Variants in PPP2R1B observed in about 807,000 individuals in gnomAD.
PPP2R1B encodes the protein protein phosphatase 2 scaffold subunit Abeta.
Under a neutral mutation model 72.7 loss-of-function variants are expected in PPP2R1B, and 58 were observed. The observed-to-expected ratio is 0.80, with a 90% CI of 0.65 to 0.99. The LOEUF is 0.99. Among genes scored for constraint, PPP2R1B ranks in the 50% least tolerant of loss-of-function variants. PPP2R1B has a pLI of 0.00. For synonymous variants in PPP2R1B, 256 were observed against 264.6 expected (o/e 0.97, Z 0.32); for missense variants, 695 against 733.6 (o/e 0.95, Z 0.61).
Position 111,738,383 on chromosome 11 carries a change from G to A in PPP2R1B, c.*3213C>T, listed in dbSNP as rs753226421. 1.9e-5 allele frequency: 19 copies of A among 985,410 alleles called. No individual in the cohort carries two copies. Among genetic ancestry groups the A allele is most frequent in the Non-Finnish European group, 2.2e-5 (18 of 829,982 alleles). 61.0% of individuals were successfully genotyped at this position (985,410 alleles called of 1,614,324 possible). A position where few individuals can be genotyped will look rare whatever the true frequency, so the allele number is the denominator to read the frequency against. ...CTGCCCTGCCATCGCCACAGGGACA[G>A]AGCCAATGTGACGTCTAAGGGCAAG... On this transcript the variant is annotated 3_prime_UTR_variant, in exon 15 of 15. Transcript: ENST00000527614.
At chr11:111,742,420 AG>A in intron 13 of PPP2R1B, 102 bp downstream of exon 13, 1 of 1,304,322 alleles carries the variant, frequency 7.7e-7, no homozygotes, top group Non-Finnish European at 1.0e-6. Flanking sequence ...CCAGATCTTA[AG>A]TAAAGTGAAA....
intron 11 of PPP2R1B, among the ~76,000 whole-genome samples, chr11:111,747,604 ACCTAGTGTAT>A (rs1432130462): frequency 1.3e-5 from 2 of 152,136 alleles, no homozygotes; most frequent in African/African-American, 2.4e-5. Context: ...TCTCCATACA[ACCTAGTGTAT>A]AGCTGCTGAA....
chr11:111,707,696 C>A, the PPP2R1B span, among the ~76,000 whole-genome samples: 4 of 152,274 alleles, frequency 2.6e-5, no homozygotes, highest in South Asian at 8.3e-4. Context: ...AAAGGCTTCT[C>A]ACTTTAATTC....
At chr11:111,705,345 A>G in the PPP2R1B span, among the ~76,000 whole-genome samples, 1 of 152,206 alleles carries the variant, frequency 6.6e-6, no homozygotes, top group African/African-American at 2.4e-5. This position sits in a 1 kb window ranked among gnomAD's most constrained non-coding sequence, Gnocchi z 4.3. Context: ...GTTTTTTAAA[A>G]TTGTTTTCAT....
intron 13 of PPP2R1B, 163 bp from the exon 14 acceptor site, chr11:111,742,307 A>AT: frequency 1.7e-6 from 1 of 598,442 alleles, no homozygotes; most frequent in South Asian, 5.2e-5. Context: ...ATTCTCAGCA[A>AT]AATCAGCTTC....
the PPP2R1B span, among the ~76,000 whole-genome samples, chr11:111,719,264 G>A: frequency 6.6e-6 from 1 of 151,562 alleles, no homozygotes; most frequent in Non-Finnish European, 1.5e-5. Flanking sequence ...TAAATCAAAT[G>A]GGCAGGTACT....
intron 11 of PPP2R1B, among the ~76,000 whole-genome samples, chr11:111,746,690 C>T (rs1432415874): frequency 2.0e-5 from 3 of 152,068 alleles, no homozygotes; most frequent in Non-Finnish European, 4.4e-5. Flanking sequence ...ATGCACCATT[C>T]CCAGTAACGT....
At chr11:111,765,823 C>A in intron 1 of PPP2R1B, 1 of 474,454 alleles carries the variant, frequency 2.1e-6, no homozygotes, top group Admixed American at 2.3e-5. Flanking sequence ...AGTTCCAAGC[C>A]GAGATGAAGG....
chr11:111,751,418 T>C (rs1256644122), intron 10 of PPP2R1B, among the ~76,000 whole-genome samples: 1 of 152,154 alleles, frequency 6.6e-6, no homozygotes, highest in Non-Finnish European at 1.5e-5. Context: ...AGGTGAAATA[T>C]GTTTCTGTAA....
downstream of PPP2R1B, chr11:111,722,555 G>A: frequency 9.6e-7 from 1 of 1,038,508 alleles, no homozygotes; most frequent in Non-Finnish European, 1.4e-6. The surrounding 1 kb of genome is among the most constrained non-coding windows in gnomAD (Gnocchi z 4.4). Context: ...CACCCCGTGT[G>A]GATTCTGTAG....
the PPP2R1B span, chr11:111,719,934 A>G: frequency 1.2e-6 from 2 of 1,614,200 alleles, no homozygotes; most frequent in Non-Finnish European, 1.7e-6. Context: ...ATTTCAGTCC[A>G]CACGCAGCGG....
the PPP2R1B span, among the ~76,000 whole-genome samples, chr11:111,693,361 TG>T: frequency 6.6e-6 from 1 of 150,926 alleles, no homozygotes; most frequent in East Asian, 2.0e-4. Flanking sequence ...GAGACACTAA[TG>T]AGCCATGGAT....
the PPP2R1B span, among the ~76,000 whole-genome samples, chr11:111,688,714 GT>G: frequency 6.6e-6 from 1 of 152,082 alleles, no homozygotes; most frequent in Admixed American, 6.6e-5. This position sits in a 1 kb window ranked among gnomAD's most constrained non-coding sequence, Gnocchi z 4.2. Context: ...GTTGTAAAAT[GT>G]TTTATTTTAT....
At chr11:111,702,350 T>TGAGGC in the PPP2R1B span, among the ~76,000 whole-genome samples, 748 of 152,328 alleles carry the variant, frequency 4.9e-3, 5 homozygotes, top group African/African-American at 0.017. Flanking sequence ...TCTGGGAGGC[T>TGAGGC]GAGGCGGGAG....
At position 111,759,696 on chromosome 11, in the gene PPP2R1B, T is replaced by G. The variant is rs1555050657; in HGVS notation, c.687+108A>C. ...TTAACCAGGCCAGAATCAGCACTAA[T>G]TCTGTAAAAAGAATCCTAACAAGAA... On this transcript the variant is annotated intron_variant, in intron 5 of 14. Transcript: ENST00000527614. The G allele has an allele frequency of 9.5e-6, 12 of 1,268,818 alleles. No homozygotes were observed. The South Asian group carries it at 2.0e-4, about 22-fold the overall frequency. 78.6% of individuals were successfully genotyped at this position (1,268,818 alleles called of 1,614,324 possible). A position where few individuals can be genotyped will look rare whatever the true frequency, so the allele number is the denominator to read the frequency against.
intron 10 of PPP2R1B, among the ~76,000 whole-genome samples, chr11:111,749,087 C>T (rs144783417): frequency 1.1e-4 from 17 of 152,208 alleles, no homozygotes; most frequent in East Asian, 5.8e-4. Context: ...TCAGATGATC[C>T]GTCCGCCTCA....
chr11:111,701,126 C>T, the PPP2R1B span: 2 of 1,334,034 alleles, frequency 1.5e-6, no homozygotes, highest in Non-Finnish European at 2.0e-6. The surrounding 1 kb of genome is among the most constrained non-coding windows in gnomAD (Gnocchi z 4.2). Context: ...ATATTTTCCC[C>T]ATCCACTGGA....
At chr11:111,723,475 C>A, downstream of PPP2R1B, 2 of 1,566,624 alleles carry the variant, frequency 1.3e-6, no homozygotes, top group Non-Finnish European at 1.7e-6. Flanking sequence ...AAAATTCTTT[C>A]CTTTGATATT....
chr11:111,748,059 G>A (rs1465821978), intron 10 of PPP2R1B, 45 bp from the exon 11 acceptor site: 1 of 1,560,772 alleles, frequency 6.4e-7, no homozygotes, highest in Non-Finnish European at 8.8e-7. Flanking sequence ...CCAAAATTCA[G>A]AAATAAAGAT....
Sources: gnomAD v4.1 joint callset for allele counts (sites outside exome capture counted in the v4.1 genomes callset) on GRCh38, gnomAD v4.1.1 for gene constraint, Gnocchi (gnomAD v3.1) non-coding constraint, MANE v1.5 for transcripts, NCBI Gene and HGNC (gene_info 2026-07-23, HGNC 2026-07-21) for gene names.